The following CPE variants were observed in gnomAD, a reference collection of about 807,000 sequenced individuals.
CPE encodes carbocypeptidase E.
In CPE, 17 loss-of-function variants were observed where a neutral mutation model predicts 53.5. The ratio of observed to expected loss-of-function variants is 0.32; its 90% confidence interval spans 0.22 to 0.48. CPE has a LOEUF of 0.48. CPE is among the 20% of genes least tolerant of loss of function. CPE has a pLI of 0.99. For synonymous variants in CPE, 226 were observed against 228.8 expected (o/e 0.99, Z 0.11); for missense variants, 524 against 614.7 (o/e 0.85, Z 1.56).
At chr4:165,421,537 A>G (rs942384229) in intron 1 of CPE, among the ~76,000 whole-genome samples, 3 of 152,210 alleles carry the variant, frequency 2.0e-5, no homozygotes, top group Non-Finnish European at 2.9e-5. Context: ...AAAATCCCGC[A>G]TATTTACCTC....
At chr4:165,414,997 C>G (rs553936793) in intron 1 of CPE, 1 of 153,890 alleles carries the variant, frequency 6.5e-6, no homozygotes, top group South Asian at 2.1e-4. Context: ...CTCATTATTA[C>G]AAATTAATTC....
At chr4:165,489,057 A>G (rs1165255202) in intron 6 of CPE, among the ~76,000 whole-genome samples, 2 of 152,190 alleles carry the variant, frequency 1.3e-5, no homozygotes, top group South Asian at 2.1e-4. Flanking sequence ...ATTTTCCAAC[A>G]ACAAAAACTA....
chr4:165,476,724 T>C (rs537792482), intron 3 of CPE, among the ~76,000 whole-genome samples: 2 of 152,194 alleles, frequency 1.3e-5, no homozygotes, highest in Admixed American at 1.3e-4. Context: ...CCTGCTCATG[T>C]CTGACTAGCT....
At chr4:165,388,579 T>A (rs1405348381) in intron 1 of CPE, among the ~76,000 whole-genome samples, 4 of 152,194 alleles carry the variant, frequency 2.6e-5, no homozygotes, top group Non-Finnish European at 5.9e-5. Context: ...TTCACACACG[T>A]TGAGCTTATA....
chr4:165,491,800 A>G (rs1185896306), intron 6 of CPE, among the ~76,000 whole-genome samples: 2 of 152,192 alleles, frequency 1.3e-5, no homozygotes, highest in Non-Finnish European at 2.9e-5. Context: ...TTGATAAAAC[A>G]GTGTACCACT....
At position 165,400,882 on chromosome 4, in the gene CPE, C is replaced by G. The variant is rs528920848; in HGVS notation, c.307+21354C>G. Among the ~76,000 whole-genome samples, 5 of 151,692 alleles carry G rather than the reference C, an allele frequency of 3.3e-5. No homozygotes were observed. In the South Asian group the frequency reaches 8.3e-4, roughly 25 times the overall value. On this transcript the variant is annotated intron_variant, in intron 1 of 8. Transcript: ENST00000402744. ...ACTACTGACTTCTTAATAGGGTGAC[C>G]TTATGTCTTTGTTTCCAACATATTC...
At chr4:165,437,233 C>G (rs1020819072) in intron 1 of CPE, among the ~76,000 whole-genome samples, 1 of 152,196 alleles carries the variant, frequency 6.6e-6, no homozygotes, top group South Asian at 2.1e-4. Flanking sequence ...ATTCTAAGCC[C>G]TGGGTCAGAT....
chr4:165,455,182 G>T (rs928300546), intron 1 of CPE, among the ~76,000 whole-genome samples: 2 of 152,206 alleles, frequency 1.3e-5, no homozygotes, highest in Non-Finnish European at 2.9e-5. Context: ...GTTAATGAGA[G>T]AATCAGCTAA....
chr4:165,476,015 A>G (rs1732293409), intron 3 of CPE, among the ~76,000 whole-genome samples: 1 of 152,206 alleles, frequency 6.6e-6, no homozygotes, highest in Non-Finnish European at 1.5e-5. Flanking sequence ...TATCCAAGTC[A>G]TGTGGCACAA....
intron 1 of CPE, among the ~76,000 whole-genome samples, chr4:165,395,491 T>C (rs1730748565): frequency 6.6e-6 from 1 of 152,186 alleles, no homozygotes; most frequent in Non-Finnish European, 1.5e-5. Context: ...GGCAGTTTTA[T>C]TAGCAGCCAT....
At chr4:165,461,629 C>A (rs1328394715) in intron 1 of CPE, among the ~76,000 whole-genome samples, 1 of 152,204 alleles carries the variant, frequency 6.6e-6, no homozygotes, top group Non-Finnish European at 1.5e-5. Context: ...AACATTCCTT[C>A]ACCGTTGCCT....
chr4:165,412,819 C>T (rs1213732235), intron 1 of CPE, among the ~76,000 whole-genome samples: 1 of 152,260 alleles, frequency 6.6e-6, no homozygotes, highest in East Asian at 1.9e-4. Flanking sequence ...ATCTTCACCT[C>T]TTCAATGCTT....
chr4:165,438,637 G>A (rs572596337), intron 1 of CPE, among the ~76,000 whole-genome samples: 2 of 152,266 alleles, frequency 1.3e-5, no homozygotes, highest in South Asian at 4.1e-4. Flanking sequence ...TTTCAAACAC[G>A]ATGAGTGTTA....
At chr4:165,474,977 A>C (rs1284366333) in intron 3 of CPE, among the ~76,000 whole-genome samples, 5 of 152,224 alleles carry the variant, frequency 3.3e-5, no homozygotes, top group Non-Finnish European at 7.3e-5. Context: ...GTCTTGGTGC[A>C]TGTTAAGAAG....
At position 165,379,498 on chromosome 4, in the gene CPE, C is replaced by A; in HGVS notation, c.277C>A (p.Leu93Met). ...GGGCCGGGAGCTCCTGGTCATCGAG[C>A]TGTCCGACAACCCTGGCGTCCATGA... ...FEGRELLVIELSDNPGVHEPG... is the reference protein window; with the variant it reads ...FEGRELLVIEMSDNPGVHEPG... The change falls in exon 1 of 9, where the codon CTG becomes ATG. Residue 93 changes from leucine (L) to methionine (M), a missense_variant. Coordinates refer to ENST00000402744, the MANE Select transcript of CPE (RefSeq NM_001873.4). This position sits in a 1 kb window ranked among gnomAD's most constrained non-coding sequence, Gnocchi z 6.0. 6.3e-7 allele frequency: 1 copy of A among 1,599,654 alleles called. No homozygotes were observed. The highest frequency in any genetic ancestry group is 8.5e-7 in the Non-Finnish European group (1 of 1,171,160).
At chr4:165,457,610 G>A (rs558486358) in intron 1 of CPE, among the ~76,000 whole-genome samples, 1 of 152,296 alleles carries the variant, frequency 6.6e-6, no homozygotes, top group East Asian at 1.9e-4. Context: ...AAATGATTCT[G>A]TAATATGTCT....
At chr4:165,495,798 T>C in intron 8 of CPE, 121 bp downstream of exon 8, 1 of 563,334 alleles carries the variant, frequency 1.8e-6, no homozygotes, top group Non-Finnish European at 2.9e-6. Context: ...GCAACATTGT[T>C]ATCTCAACTT....
intron 1 of CPE, among the ~76,000 whole-genome samples, chr4:165,455,244 T>A (rs897778775): frequency 6.6e-6 from 1 of 152,258 alleles, no homozygotes; most frequent in East Asian, 1.9e-4. Context: ...CATTCCTATT[T>A]TCTTTCCATT....
intron 1 of CPE, among the ~76,000 whole-genome samples, chr4:165,432,469 T>A (rs1397003720): frequency 2.6e-5 from 4 of 152,036 alleles, no homozygotes; most frequent in East Asian, 1.9e-4. Flanking sequence ...CTAAGTTTTT[T>A]AATTTTTTTG....
Sources: allele counts gnomAD v4.1 joint callset (sites outside exome capture counted in the v4.1 genomes callset), GRCh38; gene constraint gnomAD v4.1.1; non-coding constraint Gnocchi (gnomAD v3.1); transcripts MANE v1.5; gene names NCBI Gene and HGNC (gene_info 2026-07-23, HGNC 2026-07-21).